Variants in RMDN2 observed in about 807,000 individuals in gnomAD.
RMDN2 encodes the protein regulator of microtubule dynamics 2.
RMDN2 carries 61 observed loss-of-function variants against 52.8 expected under a neutral mutation model. The ratio of observed to expected loss-of-function variants is 1.16; its 90% CI spans 0.94 to 1.43. RMDN2 has a LOEUF of 1.43. Ranked by LOEUF, RMDN2 falls within the 40% of genes most tolerant of loss-of-function variation. The pLI is 0.00. For synonymous variants in RMDN2, 180 were observed against 153.1 expected, an observed-to-expected ratio of 1.18 and a Z score of -1.30; for missense variants, 592 against 475.3, an observed-to-expected ratio of 1.25 and a Z score of -2.28.
chr2:38,036,498 C>T (rs1680589557), intron 10 of RMDN2: 1 of 152,170 alleles, frequency 6.6e-6, no homozygotes, highest in South Asian at 2.1e-4. Flanking sequence ...TACCCCTCCC[C>T]AAGAGAAATT....
At chr2:37,931,178 C>T (rs1297480983) in intron 2 of RMDN2, among the ~76,000 whole-genome samples, 1 of 152,192 alleles carries the variant, frequency 6.6e-6, no homozygotes, top group Non-Finnish European at 1.5e-5. Flanking sequence ...ATTTGTGGCT[C>T]TGCCCTATTT....
intron 10 of RMDN2, among the ~76,000 whole-genome samples, chr2:38,025,417 G>C (rs926758463): frequency 6.6e-6 from 1 of 152,024 alleles, no homozygotes; most frequent in Non-Finnish European, 1.5e-5. Context: ...GATTATATCA[G>C]TTGTGTATAA....
intron 10 of RMDN2, among the ~76,000 whole-genome samples, chr2:38,055,820 C>T (rs531787125): frequency 6.6e-6 from 1 of 152,280 alleles, no homozygotes; most frequent in African/African-American, 2.4e-5. Context: ...ATACCAATTA[C>T]TGCAAGGGGA....
chr2:37,954,303 GTTTTC>G (rs1409980199), intron 2 of RMDN2, among the ~76,000 whole-genome samples: 3 of 151,920 alleles, frequency 2.0e-5, no homozygotes, highest in Non-Finnish European at 2.9e-5. Context: ...TTTGCATTAT[GTTTTC>G]TTTTAAGAGT....
chr2:38,012,345 C>A (rs1403743472), intron 10 of RMDN2, among the ~76,000 whole-genome samples: 1 of 152,142 alleles, frequency 6.6e-6, no homozygotes, highest in African/African-American at 2.4e-5. Flanking sequence ...GTGATTGTTC[C>A]ATGAAAGTAA....
intron 2 of RMDN2, chr2:37,952,464 A>T (rs1284617806): frequency 2.1e-6 from 1 of 480,112 alleles, no homozygotes. Context: ...AAGATGGGCT[A>T]ATCTCAGATT....
chr2:38,021,547 C>G (rs531349600), downstream of RMDN2, among the ~76,000 whole-genome samples: 2 of 152,268 alleles, frequency 1.3e-5, no homozygotes, highest in East Asian at 1.9e-4. Context: ...GGAAGAAACT[C>G]CGAACACATC....
intron 10 of RMDN2, among the ~76,000 whole-genome samples, chr2:38,042,713 T>C (rs1681042757): frequency 6.6e-6 from 1 of 152,220 alleles, no homozygotes; most frequent in African/African-American, 2.4e-5. Context: ...CATTTTCATT[T>C]AATCCAAAAT....
chr2:38,055,638 A>G (rs1681831224), intron 10 of RMDN2, among the ~76,000 whole-genome samples: 2 of 152,258 alleles, frequency 1.3e-5, no homozygotes, highest in Non-Finnish European at 1.5e-5. Flanking sequence ...CTTCATGACT[A>G]CAAGATCACT....
rs1353849850 is a variant in RMDN2, at chr2:37,978,691, T to C, written c.731-2592T>C. On this transcript the variant is annotated intron_variant, in intron 4 of 10. Coordinates refer to ENST00000354545, the MANE Select transcript of RMDN2 (RefSeq NM_001170791.3). ...AAATAACACGACTGAGGTGGGAGGA[T>C]CGTTTGAGTCCAAGAGATCAAAGCC... Among the ~76,000 whole-genome samples, 3 of 151,894 alleles carry C rather than the reference T, an allele frequency of 2.0e-5. No individual in the cohort carries two copies. The East Asian group carries it at 5.8e-4, about 29-fold the overall frequency.
At chr2:38,060,273 T>C (rs994701270) in intron 10 of RMDN2, among the ~76,000 whole-genome samples, 2 of 152,050 alleles carry the variant, frequency 1.3e-5, no homozygotes, top group Non-Finnish European at 2.9e-5. Flanking sequence ...AAGGCCTTGA[T>C]AGACGTTTCC....
intron 2 of RMDN2, among the ~76,000 whole-genome samples, chr2:37,947,939 A>C (rs1186954877): frequency 6.6e-6 from 1 of 152,134 alleles, no homozygotes; most frequent in Non-Finnish European, 1.5e-5. Flanking sequence ...CTTGTCATCT[A>C]GGTACCAGGA....
At chr2:37,975,568 G>A (rs1010712387) in intron 4 of RMDN2, among the ~76,000 whole-genome samples, 1 of 152,166 alleles carries the variant, frequency 6.6e-6, no homozygotes, top group Non-Finnish European at 1.5e-5. Flanking sequence ...GGGGTGGGAG[G>A]CTAGGGGAGG....
At chr2:37,999,468 C>CA in intron 8 of RMDN2, among the ~76,000 whole-genome samples, 1 of 152,256 alleles carries the variant, frequency 6.6e-6, no homozygotes, top group Middle Eastern at 3.4e-3. Context: ...GGGAGCCCCG[C>CA]ATTAGGTCAT....
At chr2:38,003,928 A>G (rs1676699924) in intron 8 of RMDN2, 63 bp from the exon 9 acceptor site, 18 of 1,193,194 alleles carry the variant, frequency 1.5e-5, no homozygotes, top group Middle Eastern at 1.9e-4. Context: ...TATTCTCTTC[A>G]CTTGTGGTTA....
chr2:38,009,115 T>G (rs1205568456), intron 10 of RMDN2, among the ~76,000 whole-genome samples: 1 of 152,232 alleles, frequency 6.6e-6, no homozygotes, highest in Non-Finnish European at 1.5e-5. Context: ...TAACCCGTCC[T>G]TTCTCTCTGG....
chr2:37,954,347 C>G lies in RMDN2; in HGVS notation c.453-19693C>G, dbSNP rs149387413. On this transcript the variant is annotated intron_variant, in intron 2 of 10. Coordinates refer to ENST00000354545, the MANE Select transcript of RMDN2 (RefSeq NM_001170791.3). ...ATAGCTTTAGGTTTTATATTTAGGT[C>G]TTTGATGCATTTTGAGTTAATTTTT... Among the ~76,000 whole-genome samples, 611 of 152,004 alleles carry G rather than the reference C, an allele frequency of 4.0e-3. 3 individuals are homozygous for G. The highest frequency in any genetic ancestry group is 0.014 in the African/African-American group (570 of 41,474).
intron 10 of RMDN2, among the ~76,000 whole-genome samples, chr2:38,039,784 C>T (rs144456159): frequency 1.3e-4 from 20 of 152,260 alleles, no homozygotes; most frequent in African/African-American, 4.6e-4. Flanking sequence ...TTTCCAGTGT[C>T]GCCATCTGAC....
intron 10 of RMDN2, among the ~76,000 whole-genome samples, chr2:38,034,588 G>T (rs934177417): frequency 6.6e-6 from 1 of 151,374 alleles, no homozygotes; most frequent in African/African-American, 2.4e-5. Flanking sequence ...GGATTAAATT[G>T]TATTGTGGTA....
Sources: allele counts gnomAD v4.1 joint callset (sites outside exome capture counted in the v4.1 genomes callset), GRCh38; gene constraint gnomAD v4.1.1; transcripts MANE v1.5; gene names NCBI Gene and HGNC (gene_info 2026-07-23, HGNC 2026-07-21).